The following IMMP2L variants were observed in gnomAD, a reference collection of about 807,000 sequenced individuals.
IMMP2L encodes the protein inner mitochondrial membrane peptidase subunit 2.
IMMP2L carries 18 observed loss-of-function variants against 19.3 expected under a neutral mutation model. That is an observed-to-expected ratio of 0.93 (90% CI 0.64 to 1.38). IMMP2L has a LOEUF of 1.38. Among genes scored for constraint, IMMP2L ranks in the 40% most tolerant of loss-of-function variants. The probability of loss-of-function intolerance (pLI) is 0.00; values close to 1 mark genes in which losing one functional copy is unlikely to be tolerated. For missense variants in IMMP2L, 233 were observed against 218.2 expected, an observed-to-expected ratio of 1.07 and a Z score of -0.43; for synonymous variants, 76 against 73.0, an observed-to-expected ratio of 1.04 and a Z score of -0.21.
intron 5 of IMMP2L, among the ~76,000 whole-genome samples, chr7:110,847,401 A>G (rs184099219): frequency 2.9e-4 from 44 of 152,296 alleles, no homozygotes; most frequent in African/African-American, 1.0e-3. Context: ...CCTGATTATA[A>G]TCGATTTAAT....
intron 3 of IMMP2L, among the ~76,000 whole-genome samples, chr7:111,329,835 G>T (rs898211016): frequency 2.6e-5 from 4 of 151,620 alleles, no homozygotes; most frequent in African/African-American, 9.7e-5. Flanking sequence ...AACAGGAGAG[G>T]GTGCTCTTGA....
In IMMP2L at chr7:111,037,543, T is replaced by C. The variant is rs10234494; in HGVS notation, c.240-73978A>G. Among the ~76,000 whole-genome samples the C allele has an allele frequency of 9.8e-3, 1,491 of 152,298 alleles. 21 individuals carry two copies. The highest frequency in any genetic ancestry group is 0.033 in the African/African-American group (1,381 of 41,570). On this transcript the variant is annotated intron_variant, in intron 3 of 5. Coordinates refer to ENST00000405709, the MANE Select transcript of IMMP2L (RefSeq NM_032549.4). ...CTTTGTAGTAAATGAATCATCCAGC[T>C]ATATTTTGTGAAAAGGGGTCATTTT...
intron 5 of IMMP2L, among the ~76,000 whole-genome samples, chr7:110,747,737 T>C (rs1181305356): frequency 6.6e-6 from 1 of 152,136 alleles, no homozygotes; most frequent in Non-Finnish European, 1.5e-5. Context: ...TAGGCATTGA[T>C]GGAACGTATT....
chr7:110,972,115 C>T (rs1279790735), intron 3 of IMMP2L, among the ~76,000 whole-genome samples: 1 of 151,576 alleles, frequency 6.6e-6, no homozygotes, highest in East Asian at 1.9e-4. Context: ...TTGAAAAGGT[C>T]AACTTTATGC....
chr7:111,495,272 T>G (rs1024495993), intron 2 of IMMP2L, among the ~76,000 whole-genome samples: 1 of 152,166 alleles, frequency 6.6e-6, no homozygotes, highest in Non-Finnish European at 1.5e-5. Context: ...CTCAGTTGTA[T>G]CTCACAAATT....
At chr7:110,733,167 A>C (rs551220276) in intron 5 of IMMP2L, among the ~76,000 whole-genome samples, 101 of 152,324 alleles carry the variant, frequency 6.6e-4, no homozygotes, top group Admixed American at 4.2e-3. Context: ...ACAAGATACA[A>C]GTCATAGTTA....
In IMMP2L at chr7:111,123,292, A is replaced by G. The variant is rs1167472232; in HGVS notation, c.240-159727T>C. ...TCTTCTTCGACTTCATCTCAATTCA[A>G]ATAGATTGCAGATGATCAACAGTAA... On this transcript the variant is annotated intron_variant, in intron 3 of 5. Coordinates refer to ENST00000405709, the MANE Select transcript of IMMP2L (RefSeq NM_032549.4). This position sits in a 1 kb window ranked among gnomAD's most constrained non-coding sequence, Gnocchi z 6.4. 6.2e-7 allele frequency: 1 copy of G among 1,613,862 alleles called. No homozygotes were observed. The highest frequency in any genetic ancestry group is 8.5e-7 in the Non-Finnish European group (1 of 1,179,944).
chr7:111,241,488 A>AC (rs1195209872), intron 3 of IMMP2L, among the ~76,000 whole-genome samples: 2 of 151,964 alleles, frequency 1.3e-5, no homozygotes, highest in African/African-American at 4.8e-5. Flanking sequence ...ACAAGACCAA[A>AC]TAAAATGCTT....
At chr7:111,044,483 C>A (rs1792195788) in intron 3 of IMMP2L, among the ~76,000 whole-genome samples, 2 of 152,244 alleles carry the variant, frequency 1.3e-5, no homozygotes, top group East Asian at 1.9e-4. Flanking sequence ...ATCACTTGAA[C>A]CCAGGAGGCA....
intron 5 of IMMP2L, among the ~76,000 whole-genome samples, chr7:110,714,658 G>A (rs2130727835): frequency 6.6e-6 from 1 of 152,196 alleles, no homozygotes; most frequent in Middle Eastern, 3.4e-3. Context: ...GTGCAGTGGT[G>A]CGATCTCGGC....
At chr7:111,524,124 T>C (rs1371617347) in intron 1 of IMMP2L, among the ~76,000 whole-genome samples, 1 of 152,074 alleles carries the variant, frequency 6.6e-6, no homozygotes. Flanking sequence ...TTCCTCAATA[T>C]TAGATTTCAT....
intron 3 of IMMP2L, among the ~76,000 whole-genome samples, chr7:111,235,327 C>T (rs910442967): frequency 6.6e-6 from 1 of 151,972 alleles, no homozygotes; most frequent in East Asian, 1.9e-4. Context: ...CTAAATTAGC[C>T]GAGCGTGGTG....
chr7:110,761,164 A>C (rs1314423485), intron 5 of IMMP2L, among the ~76,000 whole-genome samples: 1 of 152,144 alleles, frequency 6.6e-6, no homozygotes, highest in Non-Finnish European at 1.5e-5. Flanking sequence ...GTGGGATTCC[A>C]GAAGGGGACT....
intron 3 of IMMP2L, among the ~76,000 whole-genome samples, chr7:111,240,188 T>C (rs1814836499): frequency 1.3e-5 from 2 of 152,106 alleles, no homozygotes; most frequent in South Asian, 4.1e-4. Flanking sequence ...TTTCCATTTC[T>C]TCTAGTCAAA....
chr7:111,321,075 T>C (rs1824649041), intron 3 of IMMP2L, among the ~76,000 whole-genome samples: 3 of 151,974 alleles, frequency 2.0e-5, no homozygotes, highest in Admixed American at 2.0e-4. Context: ...TTCTCCAATC[T>C]GCCCAATGGA....
At chr7:111,208,850 C>G (rs1810999977) in intron 3 of IMMP2L, among the ~76,000 whole-genome samples, 1 of 152,048 alleles carries the variant, frequency 6.6e-6, no homozygotes, top group African/African-American at 2.4e-5. Flanking sequence ...TATCATTACT[C>G]AAATAATTAG....
At chr7:111,463,888 T>C (rs762371156) in intron 3 of IMMP2L, among the ~76,000 whole-genome samples, 1 of 152,204 alleles carries the variant, frequency 6.6e-6, no homozygotes, top group South Asian at 2.1e-4. Context: ...ACATAATTTG[T>C]TTATCAAAAT....
intron 3 of IMMP2L, among the ~76,000 whole-genome samples, chr7:111,175,701 CA>C (rs1428659705): frequency 6.6e-6 from 1 of 151,658 alleles, no homozygotes; most frequent in East Asian, 1.9e-4. Context: ...GGAAACTCTC[CA>C]GGACATAGGA....
chr7:110,698,025 A>G (rs1259463293), intron 5 of IMMP2L, among the ~76,000 whole-genome samples: 2 of 152,194 alleles, frequency 1.3e-5, no homozygotes, highest in East Asian at 3.9e-4. Flanking sequence ...CAAAACATTC[A>G]TTATAAAAAA....
Sources: gnomAD v4.1 joint callset for allele counts (sites outside exome capture counted in the v4.1 genomes callset) on GRCh38, gnomAD v4.1.1 for gene constraint, Gnocchi (gnomAD v3.1) non-coding constraint, MANE v1.5 for transcripts, NCBI Gene and HGNC (gene_info 2026-07-23, HGNC 2026-07-21) for gene names.